The following PIR variants were observed in gnomAD, a reference collection of about 807,000 sequenced individuals.
PIR encodes pirin (iron-binding nuclear protein).
A neutral mutation model predicts 24.2 loss-of-function variants in PIR; 22 were observed. That is an observed-to-expected ratio of 0.91 (90% confidence interval 0.65 to 1.30). The LOEUF (loss-of-function observed/expected upper bound fraction) is 1.30. Among genes scored for constraint, PIR ranks in the 50% most tolerant of loss-of-function variants. The pLI, the probability that PIR is intolerant of heterozygous loss-of-function variation, is 0.00. For synonymous variants in PIR, 80 were observed against 79.6 expected, an observed-to-expected ratio of 1.00 and a Z score of -0.03; for missense variants, 220 against 220.3, an observed-to-expected ratio of 1.00 and a Z score of 0.01.
At position 15,425,964 on chromosome X, in the gene PIR, G is replaced by C; in HGVS notation, c.507C>G (p.Thr169=). 8.4e-7 allele frequency: 1 copy of C among 1,194,663 alleles called. No homozygotes were observed. Among genetic ancestry groups the C allele is most frequent in the South Asian group, 1.8e-5 (1 of 56,602 alleles). The change falls in exon 6 of 10, where the codon ACC becomes ACG. Residue 169 remains threonine (T), a synonymous_variant. Transcript: ENST00000380420. ...IKSKVYTRTP[T]LYLDFKLDPG... ...GGTCCAATTTGAAGTCCAAATATAAGGTTGGTGTGCGAGTGTAAACCTTGG... is the reference window on the plus strand; with the variant it reads ...GGTCCAATTTGAAGTCCAAATATAACGTTGGTGTGCGAGTGTAAACCTTGG...
intron 6 of PIR, among the ~76,000 whole-genome samples, chrX:15,413,852 A>G (rs769851205): frequency 3.6e-5 from 4 of 111,988 alleles, no homozygotes; most frequent in Non-Finnish European, 5.6e-5. Context: ...TTTATAAGCC[A>G]TGGGCATATA....
intron 5 of PIR, among the ~76,000 whole-genome samples, chrX:15,431,740 T>C (rs994218793): frequency 2.2e-5 from 2 of 90,819 alleles, no homozygotes; most frequent in Admixed American, 1.3e-4. Flanking sequence ...AAGAAAAAAG[T>C]TTAAAGGCAC....
At chrX:15,446,951 T>C (rs753941910) in intron 5 of PIR, among the ~76,000 whole-genome samples, 2 of 112,524 alleles carry the variant, frequency 1.8e-5, no homozygotes, top group South Asian at 7.3e-4. Context: ...TGACAGAACA[T>C]GCTGTTCCTT....
chrX:15,452,707 C>T (rs762852122), intron 5 of PIR, among the ~76,000 whole-genome samples: 1 of 112,077 alleles, frequency 8.9e-6, no homozygotes, highest in Admixed American at 9.4e-5. Flanking sequence ...ATGCATGTTC[C>T]AAAGAGTGGT....
At chrX:15,433,466 G>A (rs1925578520) in intron 5 of PIR, among the ~76,000 whole-genome samples, 1 of 102,638 alleles carries the variant, frequency 9.7e-6, no homozygotes, top group Admixed American at 1.1e-4. Context: ...AGGAGAAGGA[G>A]AAGGAGAAGC....
intron 5 of PIR, among the ~76,000 whole-genome samples, chrX:15,430,366 A>G (rs1925468617): frequency 8.9e-6 from 1 of 112,069 alleles, no homozygotes; most frequent in African/African-American, 3.2e-5. Flanking sequence ...GTTTTAGCCT[A>G]TATTTCAAAA....
At chrX:15,419,523 C>T (rs1046606533) in intron 6 of PIR, among the ~76,000 whole-genome samples, 10 of 111,295 alleles carry the variant, frequency 9.0e-5, no homozygotes, top group African/African-American at 2.0e-4. Context: ...GGGTTCATAA[C>T]GCACTTGTTT....
intron 7 of PIR, among the ~76,000 whole-genome samples, chrX:15,403,090 A>C (rs1434069993): frequency 9.0e-6 from 1 of 110,940 alleles, no homozygotes; most frequent in African/African-American, 3.3e-5. Context: ...TAGAATGAAG[A>C]GCACTGGGCA....
chrX:15,386,606 C>T (rs886278997), intron 9 of PIR, among the ~76,000 whole-genome samples: 1 of 111,480 alleles, frequency 9.0e-6, no homozygotes, highest in Admixed American at 9.5e-5. Context: ...AAAATCAACA[C>T]AGAAAGGGGG....
At chrX:15,478,328 A>C (rs1226730618) in intron 3 of PIR, 1 of 112,240 alleles carries the variant, frequency 8.9e-6, no homozygotes, top group Non-Finnish European at 1.9e-5. Flanking sequence ...CAAATGAAGG[A>C]GAAAGTGCAT....
At chrX:15,391,768 G>A (rs1350590382) in intron 8 of PIR, among the ~76,000 whole-genome samples, 2 of 111,543 alleles carry the variant, frequency 1.8e-5, no homozygotes, top group Non-Finnish European at 3.8e-5. Flanking sequence ...TCATCCTCCT[G>A]CATGCCATGT....
intron 5 of PIR, among the ~76,000 whole-genome samples, chrX:15,448,118 C>A (rs1169145123): frequency 3.6e-5 from 4 of 112,109 alleles, no homozygotes; most frequent in African/African-American, 1.3e-4. Flanking sequence ...TTTGTGCACA[C>A]CAAGAATGGT....
At chrX:15,425,480 C>T (rs1925278703) in intron 6 of PIR, among the ~76,000 whole-genome samples, 1 of 102,349 alleles carries the variant, frequency 9.8e-6, no homozygotes, top group South Asian at 4.5e-4. Flanking sequence ...GGTGCGATCT[C>T]GGCTCACTGC....
At chrX:15,401,800 G>A (rs926437924) in intron 7 of PIR, among the ~76,000 whole-genome samples, 12 of 110,097 alleles carry the variant, frequency 1.1e-4, no homozygotes, top group Admixed American at 2.0e-4. Flanking sequence ...ATTAATTGCT[G>A]TACAACTTTT....
chrX:15,405,475 G>T (rs1328323711), intron 7 of PIR, among the ~76,000 whole-genome samples: 1 of 112,061 alleles, frequency 8.9e-6, no homozygotes, highest in African/African-American at 3.3e-5. Context: ...TTTGTGATCT[G>T]TCCTTTTACA....
At chrX:15,403,519 G>A (rs1924455869) in intron 7 of PIR, among the ~76,000 whole-genome samples, 1 of 111,617 alleles carries the variant, frequency 9.0e-6, no homozygotes, top group South Asian at 3.7e-4. Context: ...CACAGCTGCA[G>A]GGAAGAGATT....
At chrX:15,437,260 G>T (rs1184697012) in intron 5 of PIR, among the ~76,000 whole-genome samples, 2 of 111,613 alleles carry the variant, frequency 1.8e-5, no homozygotes, top group Admixed American at 1.9e-4. Context: ...TTATCTTTGG[G>T]GTCCATTGCT....
intron 3 of PIR, among the ~76,000 whole-genome samples, chrX:15,474,569 CAGTGGTGCCA>C (rs2147076192): frequency 8.9e-6 from 1 of 112,018 alleles, no homozygotes; most frequent in Admixed American, 9.4e-5. Context: ...ATTCTTAGTA[CAGTGGTGCCA>C]AGGGGTGTCT....
intron 9 of PIR, among the ~76,000 whole-genome samples, chrX:15,385,810 C>T (rs1008006521): frequency 3.6e-5 from 4 of 111,978 alleles, no homozygotes; most frequent in Non-Finnish European, 7.5e-5. Flanking sequence ...GGCTGTGTCC[C>T]AATAAAACTT....
Sources: gnomAD v4.1 joint callset for allele counts (sites outside exome capture counted in the v4.1 genomes callset) on GRCh38, gnomAD v4.1.1 for gene constraint, MANE v1.5 for transcripts, NCBI Gene and HGNC (gene_info 2026-07-23, HGNC 2026-07-21) for gene names.